UNC80: variants seen among roughly 807,000 people sequenced by gnomAD.
UNC80 encodes protein unc-80 homolog.
A neutral mutation model predicts 384.6 loss-of-function variants in UNC80; 164 were observed. The ratio of observed to expected loss-of-function variants is 0.43; its 90% CI spans 0.38 to 0.49. The LOEUF (loss-of-function observed/expected upper bound fraction) is 0.49. Among genes scored for constraint, UNC80 ranks in the 20% least tolerant of loss-of-function variants. The probability of loss-of-function intolerance (pLI) is 0.00; values close to 1 mark genes in which losing one functional copy is unlikely to be tolerated. For synonymous variants in UNC80, 1,486 were observed against 1,527.8 expected (o/e 0.97, Z 0.64); for missense variants, 3,330 against 4,143.0 (o/e 0.80, Z 5.39).
chr2:209,947,517 A>G (rs1181400679), intron 47 of UNC80, among the ~76,000 whole-genome samples: 1 of 152,178 alleles, frequency 6.6e-6, no homozygotes, highest in Non-Finnish European at 1.5e-5. Context: ...GTTAAAAGCC[A>G]AAGTCTAATA....
At chr2:209,885,935 T>C (rs957938790) in intron 25 of UNC80, among the ~76,000 whole-genome samples, 3 of 151,908 alleles carry the variant, frequency 2.0e-5, no homozygotes, top group Non-Finnish European at 2.9e-5. Flanking sequence ...CACCTAATTT[T>C]TGTATTTTTA....
At chr2:209,857,581 T>C (rs2083027864) in intron 22 of UNC80, among the ~76,000 whole-genome samples, 1 of 152,112 alleles carries the variant, frequency 6.6e-6, no homozygotes. Context: ...TGCTTGCTCT[T>C]ATTTTTATTA....
intron 7 of UNC80, chr2:209,809,371 C>G (rs1434170950): frequency 6.2e-6 from 6 of 963,108 alleles, no homozygotes; most frequent in Non-Finnish European, 1.0e-5. Context: ...CTGGCTGCTG[C>G]GGGGCCATGT....
chr2:209,933,685 A>G, intron 38 of UNC80, 137 bp from the exon 39 acceptor site: 2 of 628,196 alleles, frequency 3.2e-6, no homozygotes, highest in Non-Finnish European at 5.1e-6. Flanking sequence ...TAACATTGAA[A>G]GTGTTAGAGA....
intron 29 of UNC80, among the ~76,000 whole-genome samples, chr2:209,909,002 A>C (rs2088599654): frequency 6.6e-6 from 1 of 152,142 alleles, no homozygotes; most frequent in African/African-American, 2.4e-5. Flanking sequence ...ATTCTTTTAG[A>C]ATTAAAAAAA....
intron 23 of UNC80, among the ~76,000 whole-genome samples, chr2:209,877,625 G>A (rs2084896689): frequency 6.6e-6 from 1 of 152,128 alleles, no homozygotes; most frequent in Non-Finnish European, 1.5e-5. Context: ...TCCATTAAAA[G>A]CAATTGTGTA....
rs1238295800 is a variant in UNC80, at chr2:209,888,238, T to A, written c.4254T>A (p.Asp1418Glu). 2.6e-6 allele frequency: 4 copies of A among 1,551,732 alleles called. No individual in the cohort carries two copies. Among genetic ancestry groups the A allele is most frequent in the Non-Finnish European group, 2.6e-6 (3 of 1,147,002 alleles). ...LHSSSHTLKSDAGVEEKKVPS... is the reference protein window; with the variant it reads ...LHSSSHTLKSEAGVEEKKVPS... ...GCAGCAGCCACACTCTCAAATCAGA[T>A]GCAGGAGTCGAGGAGAAGAAAGGTA... Residue 1418 changes from aspartate (D) to glutamate (E), a missense_variant, in exon 26 of 65, where the codon GAT (aspartate) becomes GAA (glutamate). Asp to Glu is a conservative substitution (Grantham distance 45). Coordinates refer to ENST00000673920, the MANE Select transcript of UNC80 (RefSeq NM_001371986.1).
chr2:209,808,639 G>T (rs1283059272), intron 7 of UNC80, among the ~76,000 whole-genome samples: 1 of 152,134 alleles, frequency 6.6e-6, no homozygotes, highest in African/African-American at 2.4e-5. Context: ...TCCAATTGGC[G>T]CGAAAGTGAT....
chr2:209,794,049 T>G lies in UNC80; in HGVS notation c.938+190T>G, dbSNP rs78939256. On this transcript the variant is annotated intron_variant, in intron 7 of 64. Transcript: ENST00000673920. ...ATGAATGGCTCTCCTTTAAACAAAC[T>G]AGGGCGAAAGTGGAAAAGATGCTTC... is the stretch of plus-strand genomic sequence containing the variant. Among the ~76,000 whole-genome samples the G allele has an allele frequency of 2.4e-4, 36 of 152,328 alleles. 1 individual carries two copies. In the East Asian group the frequency reaches 6.4e-3, roughly 27 times the overall value.
chr2:209,918,036 C>A (rs2089703124), intron 32 of UNC80, 78 bp downstream of exon 32: 1 of 1,372,752 alleles, frequency 7.3e-7, no homozygotes, highest in East Asian at 2.5e-5. Context: ...ACCTCAAAGT[C>A]ACAGTATGTG....
At chr2:209,979,888 GT>G (rs1485006401) in intron 59 of UNC80, among the ~76,000 whole-genome samples, 1 of 152,206 alleles carries the variant, frequency 6.6e-6, no homozygotes, top group Non-Finnish European at 1.5e-5. Context: ...AGAAACGAGA[GT>G]TGAGGTTAGA....
At chr2:209,931,737 C>T (rs1358552638) in intron 38 of UNC80, among the ~76,000 whole-genome samples, 1 of 152,202 alleles carries the variant, frequency 6.6e-6, no homozygotes, top group Non-Finnish European at 1.5e-5. Context: ...CCCCCATGTG[C>T]AGAGAACATT....
At chr2:209,814,131 TAG>T (rs1380550457) in intron 8 of UNC80, among the ~76,000 whole-genome samples, 8 of 152,238 alleles carry the variant, frequency 5.3e-5, no homozygotes, top group South Asian at 2.1e-4. Context: ...TAGTAATTAA[TAG>T]AGAGTTCTGA....
rs1574897830 is a variant in UNC80 at position 209,888,110 on chromosome 2, A to G, written c.4126A>G (p.Arg1376Gly). Residue 1376 changes from arginine to glycine, a missense_variant, in exon 26 of 65, where the codon AGA (arginine) becomes GGA (glycine). Physicochemically the swap from Arg to Gly is moderately radical, Grantham distance 125 (BLOSUM62 -2). This residue lies in a region of UNC80 where 801 missense variants were observed against 950.8 expected (regional missense o/e 0.84). Coordinates refer to ENST00000673920, the MANE Select transcript of UNC80 (RefSeq NM_001371986.1). ...TEPLVDLESCRLRLDPELDRH... is the reference protein window; with the variant it reads ...TEPLVDLESCGLRLDPELDRH... ...GGCATTTTAGGACTTGGAGAGCTGCAGACTTCGTTTGGATCCCGAGTTGGA... is the reference window on the plus strand; with the variant it reads ...GGCATTTTAGGACTTGGAGAGCTGCGGACTTCGTTTGGATCCCGAGTTGGA... The G allele has an allele frequency of 1.9e-6, 3 of 1,551,706 alleles. No homozygotes were observed. Among genetic ancestry groups the G allele is most frequent in the Middle Eastern group, 3.3e-4 (2 of 5,992 alleles).
At chr2:209,902,907 G>A (rs2087584460) in intron 28 of UNC80, among the ~76,000 whole-genome samples, 1 of 7,966 alleles carries the variant, frequency 1.3e-4, no homozygotes, top group African/African-American at 7.2e-4. Flanking sequence ...GTATACACGT[G>A]TGTGTGTGTG....
chr2:209,837,234 C>A (rs909676673), intron 18 of UNC80, among the ~76,000 whole-genome samples: 6 of 151,988 alleles, frequency 3.9e-5, no homozygotes, highest in Admixed American at 3.9e-4. Context: ...TTGATTCAGC[C>A]CCAAAACTTG....
At chr2:209,812,348 C>G (rs1246843285) in intron 7 of UNC80, among the ~76,000 whole-genome samples, 1 of 152,026 alleles carries the variant, frequency 6.6e-6, no homozygotes, top group Non-Finnish European at 1.5e-5. Context: ...GCGTGAGCCA[C>G]CGCGCCTGGC....
intron 31 of UNC80, 111 bp from the exon 32 acceptor site, chr2:209,917,666 T>C (rs2089664586): frequency 1.5e-6 from 2 of 1,314,224 alleles, no homozygotes; most frequent in Non-Finnish European, 1.0e-6. Flanking sequence ...CCTAGCTCCA[T>C]ATAGCTCAGG....
In UNC80 at chr2:209,831,582, T is replaced by C. The variant is rs1474498868; in HGVS notation, c.2766T>C (p.Pro922=). ...CAACCACACATGAATTGCACAGCCC[T>C]GAGAATCTGGTGAGAAGCTCTCCTC... The part of the protein sequence containing the change: ...CASTTHELHS[P]ENLGLYCDIR... The change falls in exon 16 of 65, where the codon CCT becomes CCC. Residue 922 remains proline (P), a synonymous_variant. Transcript: ENST00000673920. 6.5e-7 allele frequency: 1 copy of C among 1,541,722 alleles called. No individual in the cohort carries two copies. The highest frequency in any genetic ancestry group is 2.0e-5 in the Admixed American group (1 of 49,486).
Sources: gnomAD v4.1 joint callset for allele counts (sites outside exome capture counted in the v4.1 genomes callset) on GRCh38, gnomAD v4.1.1 for gene constraint, gnomAD v4.1.1 regional missense constraint, MANE v1.5 for transcripts, NCBI Gene and HGNC (gene_info 2026-07-23, HGNC 2026-07-21) for gene names.